The following EZH1 variants were observed in gnomAD, a reference collection of about 807,000 sequenced individuals.
EZH1 encodes enhancer of zeste 1 polycomb repressive complex 2 subunit, also known as histone-lysine N-methyltransferase EZH1.
Under a neutral mutation model 100.5 loss-of-function variants are expected in EZH1, and 33 were observed. The observed-to-expected ratio is 0.33, with a 90% CI of 0.25 to 0.44. EZH1 has a LOEUF of 0.44. Ranked by LOEUF, EZH1 falls within the 20% of genes least tolerant of loss-of-function variation. EZH1 has a pLI of 1.00. For synonymous variants in EZH1, 272 were observed against 313.8 expected, an observed-to-expected ratio of 0.87 and a Z score of 1.41; for missense variants, 475 against 928.4, an observed-to-expected ratio of 0.51 and a Z score of 6.35.
chr17:42,717,613 G>A (rs951107577), intron 10 of EZH1, among the ~76,000 whole-genome samples: 5 of 152,224 alleles, frequency 3.3e-5, no homozygotes, highest in Non-Finnish European at 4.4e-5. Context: ...CGTGCTATTC[G>A]TCTCATAGTT....
At chr17:42,743,665 A>G (rs574678303) in intron 1 of EZH1, among the ~76,000 whole-genome samples, 2 of 147,826 alleles carry the variant, frequency 1.4e-5, no homozygotes, top group Non-Finnish European at 3.0e-5. Context: ...AGGTCTCGCT[A>G]TTGTTGCCTG....
intron 1 of EZH1, among the ~76,000 whole-genome samples, chr17:42,734,666 CAAAAA>C (rs61706510): frequency 2.9e-5 from 2 of 70,044 alleles, no homozygotes; most frequent in Non-Finnish European, 3.6e-5. Context: ...GAGGCCTTGT[CAAAAA>C]AAAAAAAAAA....
At chr17:42,707,666 G>GT (rs1350122136) in intron 15 of EZH1, among the ~76,000 whole-genome samples, 1 of 152,126 alleles carries the variant, frequency 6.6e-6, no homozygotes, top group African/African-American at 2.4e-5. Flanking sequence ...GATTACAGGC[G>GT]TGAGTGACTG....
chr17:42,727,722 G>C lies in EZH1; in HGVS notation c.159C>G (p.Thr53=). 6.2e-7 allele frequency: 1 copy of C among 1,607,264 alleles called. No homozygotes were observed. Among genetic ancestry groups the C allele is most frequent in the East Asian group, 2.3e-5 (1 of 44,278 alleles). The change falls in exon 4 of 21, where the codon ACC becomes ACG. Residue 53 remains threonine, a synonymous_variant. Coordinates refer to ENST00000428826, the MANE Select transcript of EZH1 (RefSeq NM_001991.5). ...TCTTCCATTCTTCATTGAGGATCTG[G>C]GTTTTTTCTTGAACCTTTGCAAAAT... The part of the protein sequence containing the change: ...VANFAKVQEK[T]QILNEEWKKL...
At chr17:42,704,500 A>T (rs985843422) in intron 18 of EZH1, 102 bp downstream of exon 18, 7 of 870,038 alleles carry the variant, frequency 8.0e-6, no homozygotes, top group Admixed American at 5.1e-5. Flanking sequence ...GTGAGCCAAG[A>T]TCGCACCATT....
intron 10 of EZH1, among the ~76,000 whole-genome samples, chr17:42,717,246 C>A (rs1333698886): frequency 6.6e-6 from 1 of 152,156 alleles, no homozygotes; most frequent in Non-Finnish European, 1.5e-5. Context: ...CCAATAACGT[C>A]TATTCTTTTG....
intron 1 of EZH1, among the ~76,000 whole-genome samples, chr17:42,741,192 A>G (rs1171894376): frequency 2.6e-5 from 4 of 152,252 alleles, no homozygotes; most frequent in Non-Finnish European, 4.4e-5. Context: ...CTGGGACGCT[A>G]CTAGTGAACA....
chr17:42,702,737 C>G, intron 20 of EZH1, 140 bp downstream of exon 20: 2 of 1,256,314 alleles, frequency 1.6e-6, no homozygotes, highest in Non-Finnish European at 2.3e-6. Flanking sequence ...CACCAGATAT[C>G]AGAACAAGGG....
chr17:42,736,988 ATTT>A (rs1178668278), intron 1 of EZH1, among the ~76,000 whole-genome samples: 1 of 144,074 alleles, frequency 6.9e-6, no homozygotes. Flanking sequence ...TAGCTTTACA[ATTT>A]TTTTTTTTTT....
In EZH1 at chr17:42,718,572, A is replaced by C; in HGVS notation, c.813T>G (p.Pro271=). The change falls in exon 9 of 21, where the codon CCT becomes CCG. Residue 271 remains proline, a synonymous_variant. Transcript: ENST00000428826. This position sits in a 1 kb window ranked among gnomAD's most constrained non-coding sequence, Gnocchi z 4.2. ...TEMSDPNALP[P]QCTPNIDGPN... ...GGCCATCGATGTTGGGTGTGCACTG[A>C]GGGGGAAGTGCATTGGGGTCTGACA... is the stretch of plus-strand genomic sequence containing the variant. 1 of 1,614,156 alleles carries C rather than the reference A, an allele frequency of 6.2e-7. No homozygotes were observed. The highest frequency in any genetic ancestry group is 8.5e-7 in the Non-Finnish European group (1 of 1,180,002).
chr17:42,726,006 G>A (rs2053812078), intron 4 of EZH1, among the ~76,000 whole-genome samples: 1 of 151,832 alleles, frequency 6.6e-6, no homozygotes, highest in Non-Finnish European at 1.5e-5. Flanking sequence ...AGCCTCCTGA[G>A]TAGCTGGGAT....
At chr17:42,707,686 C>T (rs921732300) in intron 15 of EZH1, among the ~76,000 whole-genome samples, 2 of 152,058 alleles carry the variant, frequency 1.3e-5, no homozygotes, top group African/African-American at 2.4e-5. Context: ...GCGCCTGCTG[C>T]CCCCCACATT....
intron 14 of EZH1, 77 bp from the exon 15 acceptor site, chr17:42,708,160 C>T: frequency 6.7e-7 from 1 of 1,496,334 alleles, no homozygotes. Flanking sequence ...TCCAGCTGCC[C>T]TGATTCAGAG....
Position 42,742,774 on chromosome 17 carries a change from C to T in EZH1, c.-103+2237G>A, listed in dbSNP as rs140333596. Among the ~76,000 whole-genome samples, 182 of 152,260 alleles carry T rather than the reference C, an allele frequency of 1.2e-3. 1 individual carries two copies. The highest frequency in any genetic ancestry group is 4.3e-3 in the African/African-American group (178 of 41,556). On this transcript the variant is annotated intron_variant, in intron 1 of 20. Transcript: ENST00000428826. Reference sequence around the variant, plus strand: ...GATTCATTATGTTTGTGACACACAACAATAAGCATAAACCTTGACAATGAT... The same window carrying T: ...GATTCATTATGTTTGTGACACACAATAATAAGCATAAACCTTGACAATGAT...
chr17:42,727,580 A>C, intron 4 of EZH1, 55 bp downstream of exon 4: 1 of 1,561,710 alleles, frequency 6.4e-7, no homozygotes. Flanking sequence ...AAATATAGGA[A>C]AAAGCTTTAA....
chr17:42,719,026 T>C (rs1329228866), intron 8 of EZH1, 79 bp downstream of exon 8: 2 of 1,140,698 alleles, frequency 1.8e-6, no homozygotes, highest in East Asian at 4.8e-5. Context: ...CAAAGCTTTT[T>C]ACTAACCAAA....
At chr17:42,723,244 G>A (rs560246166) in intron 5 of EZH1, among the ~76,000 whole-genome samples, 7 of 152,060 alleles carry the variant, frequency 4.6e-5, no homozygotes, top group South Asian at 2.1e-4. Context: ...GCGTGGTGGC[G>A]CATGCCTGTA....
chr17:42,743,405 G>A (rs1049128022), intron 1 of EZH1, among the ~76,000 whole-genome samples: 21 of 147,984 alleles, frequency 1.4e-4, no homozygotes, highest in Non-Finnish European at 2.8e-4. Flanking sequence ...TCCTGGGCTC[G>A]AGTGAACGGT....
Position 42,724,427 on chromosome 17 carries a change from G to A in EZH1, c.247-3C>T. ...GGGAAAATGCTCTCTATGGTACACT[G>A]AAATATAAGCAATGACATGGAGAGG... is the stretch of plus-strand genomic sequence containing the variant. On this transcript the variant is annotated splice_polypyrimidine_tract_variant and splice_region_variant and intron_variant, in intron 4 of 20. Transcript: ENST00000428826. 6.2e-7 allele frequency: 1 copy of A among 1,613,428 alleles called. No individual in the cohort carries two copies. Among genetic ancestry groups the A allele is most frequent in the Non-Finnish European group, 8.5e-7 (1 of 1,179,564 alleles).
Sources: gnomAD v4.1 joint callset for allele counts (sites outside exome capture counted in the v4.1 genomes callset) on GRCh38, gnomAD v4.1.1 for gene constraint, Gnocchi (gnomAD v3.1) non-coding constraint, MANE v1.5 for transcripts, NCBI Gene and HGNC (gene_info 2026-07-23, HGNC 2026-07-21) for gene names.